CCDC97: variants seen among roughly 807,000 people sequenced by gnomAD.
The protein encoded by CCDC97 is coiled-coil domain-containing protein 97.
A neutral mutation model predicts 33.9 loss-of-function variants in CCDC97; 27 were observed. The observed-to-expected ratio is 0.80, with a 90% CI of 0.59 to 1.10. The LOEUF (loss-of-function observed/expected upper bound fraction) is 1.10. Ranked by LOEUF, CCDC97 falls within the 50% of genes least tolerant of loss-of-function variation. The pLI, the probability that CCDC97 is intolerant of heterozygous loss-of-function variation, is 0.00. For synonymous variants in CCDC97, 217 were observed against 194.0 expected (o/e 1.12, Z -0.99); for missense variants, 422 against 476.6 (o/e 0.89, Z 1.07).
intron 4 of CCDC97, among the ~76,000 whole-genome samples, chr19:41,321,358 A>G (rs1434470495): frequency 6.6e-6 from 1 of 152,232 alleles, no homozygotes; most frequent in Non-Finnish European, 1.5e-5. Context: ...AGCAGGCATC[A>G]CTGCTGTTCC....
intron 2 of CCDC97, among the ~76,000 whole-genome samples, chr19:41,318,623 G>A (rs1377508314): frequency 6.6e-6 from 1 of 152,206 alleles, no homozygotes; most frequent in African/African-American, 2.4e-5. Flanking sequence ...GCTAGGACCA[G>A]TGGAGGGGAG....
chr19:41,311,224 A>G (rs554256079), intron 1 of CCDC97, among the ~76,000 whole-genome samples: 208 of 152,252 alleles, frequency 1.4e-3, no homozygotes, highest in African/African-American at 4.8e-3. Flanking sequence ...TGATCTCTAT[A>G]AACATTTAAA....
Position 41,319,646 on chromosome 19 carries a change from A to G in CCDC97, c.575A>G (p.Tyr192Cys). The G allele has an allele frequency of 6.2e-7, 1 of 1,614,080 alleles. No homozygotes were observed. Among genetic ancestry groups the G allele is most frequent in the Non-Finnish European group, 8.5e-7 (1 of 1,179,970 alleles). Residue 192 changes from tyrosine (Y) to cysteine (C), a missense_variant, in exon 3 of 5, where the codon TAT becomes TGT. Physicochemically the swap from Tyr to Cys is radical, Grantham distance 194. Transcript: ENST00000269967. ...PLLYEQYIGQ[Y>C]LTQEELSART... ...CTATATGAGCAGTACATCGGGCAGT[A>G]TCTCACCCAGGAGGAGCTCAGTGCC...
At chr19:41,320,057 G>C (rs781774891) in intron 3 of CCDC97, among the ~76,000 whole-genome samples, 2 of 151,944 alleles carry the variant, frequency 1.3e-5, no homozygotes, top group African/African-American at 4.8e-5. Context: ...ATGAACCCTC[G>C]CCTCCAGGTC....
chr19:41,324,504 A>G lies in CCDC97; in HGVS notation c.*1789A>G, dbSNP rs1017096623. 3 of 152,232 alleles carry G rather than the reference A, an allele frequency of 2.0e-5. No individual in the cohort carries two copies. The highest frequency in any genetic ancestry group is 4.8e-5 in the African/African-American group (2 of 41,448). 9.4% of individuals were successfully genotyped at this position (152,232 alleles called of 1,614,324 possible). ...GACGGGAAGGTTTGAGAAGGGTCAG[A>G]TGGTAGGCGGGCCTAACAAGGGCTC... On this transcript the variant is annotated 3_prime_UTR_variant, in exon 5 of 5. Coordinates refer to ENST00000269967, the MANE Select transcript of CCDC97 (RefSeq NM_052848.3).
At chr19:41,321,718 C>T (rs950485511) in intron 4 of CCDC97, among the ~76,000 whole-genome samples, 8 of 152,172 alleles carry the variant, frequency 5.3e-5, no homozygotes, top group African/African-American at 1.9e-4. Flanking sequence ...AGGAGCATTC[C>T]TGGCAGAGGC....
rs1452853165 is a variant in CCDC97, at chr19:41,319,487, C to G, written c.503-87C>G. ...CACTTGGACTGTGTATGCACATCATCCCACAAGCATGATCACACACATACC... is the reference window on the plus strand; with the variant it reads ...CACTTGGACTGTGTATGCACATCATGCCACAAGCATGATCACACACATACC... On this transcript the variant is annotated intron_variant, in intron 2 of 4. Transcript: ENST00000269967. The G allele has an allele frequency of 2.3e-5, 22 of 973,054 alleles. No homozygotes were observed. The East Asian group carries it at 5.3e-4, about 24-fold the overall frequency. 60.3% of individuals were successfully genotyped at this position (973,054 alleles called of 1,614,324 possible). A position where few individuals can be genotyped will look rare whatever the true frequency, so the allele number is the denominator to read the frequency against.
chr19:41,316,939 T>G, intron 2 of CCDC97, 100 bp downstream of exon 2: 1 of 934,064 alleles, frequency 1.1e-6, no homozygotes, highest in Non-Finnish European at 1.6e-6. Flanking sequence ...GAGACAGAGA[T>G]CCTGGGAGAG....
At chr19:41,320,072 C>G (rs1266535636) in intron 3 of CCDC97, among the ~76,000 whole-genome samples, 2 of 152,172 alleles carry the variant, frequency 1.3e-5, no homozygotes, top group Non-Finnish European at 2.9e-5. Context: ...CAGGTCTGGA[C>G]AGGCTGTTCC....
intron 1 of CCDC97, among the ~76,000 whole-genome samples, chr19:41,311,285 G>A (rs375597199): frequency 1.3e-5 from 2 of 152,118 alleles, no homozygotes; most frequent in East Asian, 3.9e-4. Flanking sequence ...CTACTCAGGA[G>A]ACTAAGGTGG....
chr19:41,314,292 A>G (rs1445596085), intron 1 of CCDC97, among the ~76,000 whole-genome samples: 1 of 151,984 alleles, frequency 6.6e-6, no homozygotes, highest in Non-Finnish European at 1.5e-5. Context: ...GATTACAGGC[A>G]TGTGCCACAA....
chr19:41,317,654 T>A (rs2123058857), intron 2 of CCDC97, among the ~76,000 whole-genome samples: 1 of 147,404 alleles, frequency 6.8e-6, no homozygotes, highest in East Asian at 2.0e-4. Flanking sequence ...GGAAGTTGTG[T>A]GAGCTGAGAT....
At chr19:41,321,690 A>G (rs2037826248) in intron 4 of CCDC97, among the ~76,000 whole-genome samples, 3 of 152,216 alleles carry the variant, frequency 2.0e-5, no homozygotes, top group Admixed American at 6.5e-5. Flanking sequence ...CTGACAGCAA[A>G]GGCCTGCAGG....
chr19:41,322,817 G>A lies in CCDC97; in HGVS notation c.*102G>A. On this transcript the variant is annotated 3_prime_UTR_variant, in exon 5 of 5. Coordinates refer to ENST00000269967, the MANE Select transcript of CCDC97 (RefSeq NM_052848.3). ...CTTTCTCTAGGGGGACATCAGGGCA[G>A]TGCCCCACAACCCACACACACCACC... The A allele has an allele frequency of 1.5e-6, 2 of 1,373,350 alleles. No homozygotes were observed. Among genetic ancestry groups the A allele is most frequent in the South Asian group, 1.3e-5 (1 of 75,556 alleles). The allele number at this position is 1,373,350 out of a possible 1,614,324, so 85.1% of individuals were successfully genotyped here. A position where few individuals can be genotyped will look rare whatever the true frequency, so the allele number is the denominator to read the frequency against.
Position 41,324,039 on chromosome 19 carries a change from G to A in CCDC97, c.*1324G>A, listed in dbSNP as rs2037856259. 1 of 152,482 alleles carries A rather than the reference G, an allele frequency of 6.6e-6. No homozygotes were observed. Among genetic ancestry groups the A allele is most frequent in the Non-Finnish European group, 1.5e-5 (1 of 68,212 alleles). 9.4% of individuals were successfully genotyped at this position (152,482 alleles called of 1,614,324 possible). On this transcript the variant is annotated 3_prime_UTR_variant, in exon 5 of 5. Transcript: ENST00000269967. Reference sequence around the variant, plus strand: ...GTGGTATCCTGCCGTGGCCAAGCCTGAAGGACCCTCAAAACTGCCTCCTGG... The same window carrying A: ...GTGGTATCCTGCCGTGGCCAAGCCTAAAGGACCCTCAAAACTGCCTCCTGG...
Position 41,310,193 on chromosome 19 carries a change from G to C in CCDC97, c.-118G>C, listed in dbSNP as rs2037662082. The C allele has an allele frequency of 1.4e-6, 2 of 1,422,618 alleles. No individual in the cohort carries two copies. The highest frequency in any genetic ancestry group is 1.2e-5 in the South Asian group (1 of 80,218). The allele number at this position is 1,422,618 out of a possible 1,614,324, so 88.1% of individuals were successfully genotyped here. A position where few individuals can be genotyped will look rare whatever the true frequency, so the allele number is the denominator to read the frequency against. On this transcript the variant is annotated 5_prime_UTR_variant, in exon 1 of 5. Transcript: ENST00000269967. ...CCTTAGGCCCGGAACTTCGGTGCCT[G>C]GGCGCAGCGGTGCACCCGGACCCGG...
intron 2 of CCDC97, among the ~76,000 whole-genome samples, chr19:41,317,260 A>G (rs181699958): frequency 6.6e-6 from 1 of 152,336 alleles, no homozygotes; most frequent in Admixed American, 6.5e-5. Flanking sequence ...AACAAGACAC[A>G]CGGTGAAAAC....
rs1473039105 is a variant in CCDC97, at chr19:41,319,783, C to T, written c.712C>T (p.Leu238Phe). 3 of 1,612,066 alleles carry T rather than the reference C, an allele frequency of 1.9e-6. No homozygotes were observed. Among genetic ancestry groups the T allele is most frequent in the Middle Eastern group, 1.6e-4 (1 of 6,078 alleles). The change falls in exon 3 of 5, where the codon CTC becomes TTC. Residue 238 changes from leucine to phenylalanine, a missense_variant. Physicochemically the swap from Leu to Phe is conservative, Grantham distance 22. Coordinates refer to ENST00000269967, the MANE Select transcript of CCDC97 (RefSeq NM_052848.3). ...YEERELQQRL[L>F]QQQEEEEACL... ...GGAGCGGGAGCTACAGCAGCGTCTG[C>T]TCCAACAGCAGGAGGAGGAGGAGGC...
chr19:41,319,544 C>A, intron 2 of CCDC97, 30 bp from the exon 3 acceptor site: 1 of 1,525,054 alleles, frequency 6.6e-7, no homozygotes, highest in Non-Finnish European at 9.0e-7. Context: ...GTCGCTCACC[C>A]CATGCCCACC....
Sources: allele counts gnomAD v4.1 joint callset (sites outside exome capture counted in the v4.1 genomes callset), GRCh38; gene constraint gnomAD v4.1.1; transcripts MANE v1.5; gene names NCBI Gene and HGNC (gene_info 2026-07-23, HGNC 2026-07-21).